Variants in STPG2 observed in about 807,000 individuals in gnomAD.
STPG2 encodes sperm tail PG-rich repeat containing 2, also known as sperm-tail PG-rich repeat-containing protein 2.
In STPG2, 56 loss-of-function variants were observed where a neutral mutation model predicts 54.2. The ratio of observed to expected loss-of-function variants is 1.03; its 90% confidence interval spans 0.83 to 1.29. STPG2 has a LOEUF of 1.29. STPG2 is among the 50% of genes most tolerant of loss of function. STPG2 has a pLI of 0.00. For synonymous variants in STPG2, 200 were observed against 181.8 expected (o/e 1.10, Z -0.81); for missense variants, 596 against 544.9 (o/e 1.09, Z -0.93).
At chr4:98,040,225 T>C (rs913366015) in intron 5 of STPG2, among the ~76,000 whole-genome samples, 22 of 151,976 alleles carry the variant, frequency 1.4e-4, no homozygotes, top group African/African-American at 5.1e-4. Context: ...TATTAGTCCC[T>C]TGTCAGATGC....
intron 4 of STPG2, among the ~76,000 whole-genome samples, chr4:97,470,799 A>T (rs1245336585): frequency 2.0e-5 from 3 of 152,108 alleles, no homozygotes; most frequent in Non-Finnish European, 4.4e-5. Context: ...AATGACTGAT[A>T]TAGGCATTGT....
At chr4:97,702,527 T>G (rs1435232173) in intron 10 of STPG2, among the ~76,000 whole-genome samples, 1 of 152,196 alleles carries the variant, frequency 6.6e-6, no homozygotes, top group African/African-American at 2.4e-5. Context: ...GGGTGGCTCC[T>G]GAAGAGAATC....
chr4:98,094,456 A>C (rs1035746873), intron 5 of STPG2, among the ~76,000 whole-genome samples: 5 of 152,156 alleles, frequency 3.3e-5, no homozygotes, highest in African/African-American at 1.2e-4. Context: ...TGAAAGACTC[A>C]TTCTGTTTTT....
intron 4 of STPG2, among the ~76,000 whole-genome samples, chr4:97,534,565 T>C (rs1731487560): frequency 6.6e-6 from 1 of 152,180 alleles, no homozygotes; most frequent in Non-Finnish European, 1.5e-5. Flanking sequence ...CTTTGTACTA[T>C]TTGCACAAAT....
rs183332818 is a variant in STPG2, at chr4:97,783,945, C to T, written c.1204+56828G>A. ...GGGTGGGGGGAGAGGGGAGGGAAAG[C>T]ATTAGGAGACATACCTAATGTAAAT... is the stretch of plus-strand genomic sequence containing the variant. On this transcript the variant is annotated intron_variant, in intron 9 of 10. Coordinates refer to ENST00000295268, the MANE Select transcript of STPG2 (RefSeq NM_174952.3). Among the ~76,000 whole-genome samples, 428 of 151,756 alleles carry T rather than the reference C, an allele frequency of 2.8e-3. 4 individuals carry two copies. The highest frequency in any genetic ancestry group is 9.5e-3 in the African/African-American group (392 of 41,358).
chr4:97,550,459 G>GA (rs1430412014), intron 4 of STPG2, among the ~76,000 whole-genome samples: 1 of 152,114 alleles, frequency 6.6e-6, no homozygotes, highest in African/African-American at 2.4e-5. Context: ...AGGATACGGG[G>GA]AAGAGTGGTT....
intron 5 of STPG2, among the ~76,000 whole-genome samples, chr4:98,002,506 A>G (rs1166122718): frequency 6.6e-6 from 1 of 152,026 alleles, no homozygotes. Flanking sequence ...GGCCAGATGT[A>G]TAGACCCCTC....
intron 10 of STPG2, among the ~76,000 whole-genome samples, chr4:97,598,902 A>G (rs1255169519): frequency 6.6e-6 from 1 of 152,152 alleles, no homozygotes; most frequent in African/African-American, 2.4e-5. Context: ...CAACTGCAAC[A>G]ACAACAACAA....
chr4:97,610,046 A>G (rs547848715), intron 10 of STPG2, among the ~76,000 whole-genome samples: 1 of 152,010 alleles, frequency 6.6e-6, no homozygotes, highest in Non-Finnish European at 1.5e-5. Flanking sequence ...AAAAAAGATA[A>G]TTTTCCTGAG....
intron 6 of STPG2, among the ~76,000 whole-genome samples, chr4:97,973,674 T>C (rs1017857300): frequency 6.6e-6 from 1 of 152,142 alleles, no homozygotes; most frequent in Non-Finnish European, 1.5e-5. Context: ...CCTGGTGCTA[T>C]GTGCATCGTA....
chr4:97,575,961 T>C (rs1004969067), intron 10 of STPG2, among the ~76,000 whole-genome samples: 1 of 152,112 alleles, frequency 6.6e-6, no homozygotes, highest in Non-Finnish European at 1.5e-5. Context: ...CATTTTTGTA[T>C]AGCAACAATG....
At chr4:97,843,062 T>C (rs1037125886) in intron 8 of STPG2, among the ~76,000 whole-genome samples, 1 of 151,838 alleles carries the variant, frequency 6.6e-6, no homozygotes, top group Non-Finnish European at 1.5e-5. Context: ...CAGGGAAAAA[T>C]AGTATTTGTA....
At chr4:97,518,523 T>C (rs1342292732) in intron 4 of STPG2, among the ~76,000 whole-genome samples, 1 of 152,138 alleles carries the variant, frequency 6.6e-6, no homozygotes, top group African/African-American at 2.4e-5. Flanking sequence ...TTAAGAAGTA[T>C]ATAATATGGG....
chr4:98,125,795 T>C (rs927853110), intron 3 of STPG2, among the ~76,000 whole-genome samples: 2 of 152,134 alleles, frequency 1.3e-5, no homozygotes, highest in African/African-American at 4.8e-5. Flanking sequence ...ACTGCAGAGA[T>C]TGTGGCTGCC....
intron 10 of STPG2, among the ~76,000 whole-genome samples, chr4:97,707,668 A>G (rs184390573): frequency 6.6e-4 from 101 of 152,304 alleles, no homozygotes; most frequent in African/African-American, 2.3e-3. Context: ...GGTGGGCATC[A>G]ATAAGGGCCT....
intron 4 of STPG2, among the ~76,000 whole-genome samples, chr4:97,491,511 T>C (rs757076995): frequency 1.3e-5 from 2 of 151,344 alleles, no homozygotes; most frequent in Non-Finnish European, 3.0e-5. Flanking sequence ...AAGCTATACA[T>C]AGAAAGAAAT....
At chr4:97,494,438 T>C (rs765416955) in intron 4 of STPG2, among the ~76,000 whole-genome samples, 1 of 151,550 alleles carries the variant, frequency 6.6e-6, no homozygotes, top group African/African-American at 2.4e-5. Context: ...AATTTTAGAA[T>C]TGCTGTGAAC....
chr4:97,549,629 C>T (rs367701979), intron 4 of STPG2, among the ~76,000 whole-genome samples: 63 of 152,140 alleles, frequency 4.1e-4, no homozygotes, highest in South Asian at 3.9e-3. Context: ...GAAGAAATGA[C>T]GCTTGATTAG....
At chr4:97,463,784 G>A (rs780580189) in intron 4 of STPG2, among the ~76,000 whole-genome samples, 4 of 152,052 alleles carry the variant, frequency 2.6e-5, no homozygotes, top group Non-Finnish European at 5.9e-5. Flanking sequence ...TAGTATATTT[G>A]TTATCACTAA....
Sources: gnomAD v4.1 joint callset for allele counts (sites outside exome capture counted in the v4.1 genomes callset) on GRCh38, gnomAD v4.1.1 for gene constraint, MANE v1.5 for transcripts, NCBI Gene and HGNC (gene_info 2026-07-23, HGNC 2026-07-21) for gene names.